ADGRG7: variants seen among roughly 807,000 people sequenced by gnomAD.
The protein encoded by ADGRG7 is adhesion G protein-coupled receptor G7.
Under a neutral mutation model 88.6 loss-of-function variants are expected in ADGRG7, and 82 were observed. That is an observed-to-expected ratio of 0.93 (90% CI 0.77 to 1.11). ADGRG7 has a LOEUF of 1.11. Ranked by LOEUF, ADGRG7 falls within the 50% of genes most tolerant of loss-of-function variation. ADGRG7 has a pLI of 0.00. For synonymous variants in ADGRG7, 381 were observed against 345.2 expected, an observed-to-expected ratio of 1.10 and a Z score of -1.15; for missense variants, 945 against 953.4, an observed-to-expected ratio of 0.99 and a Z score of 0.12.
intron 1 of ADGRG7, among the ~76,000 whole-genome samples, chr3:100,611,666 G>A (rs990339466): frequency 2.6e-5 from 4 of 152,204 alleles, no homozygotes; most frequent in Admixed American, 1.3e-4. Flanking sequence ...GTTCTGAGAA[G>A]CATATTTCAA....
intron 1 of ADGRG7, among the ~76,000 whole-genome samples, chr3:100,614,656 G>T (rs1215846394): frequency 2.0e-5 from 3 of 152,104 alleles, no homozygotes; most frequent in Non-Finnish European, 4.4e-5. Flanking sequence ...GACTAAGCTA[G>T]GCACTAGAAA....
chr3:100,618,648 C>T (rs968246495), intron 1 of ADGRG7, among the ~76,000 whole-genome samples: 5 of 152,014 alleles, frequency 3.3e-5, no homozygotes, highest in East Asian at 1.9e-4. Flanking sequence ...AGTCAGGTAG[C>T]GTGATGCCTC....
chr3:100,649,743 A>G lies in ADGRG7; in HGVS notation c.1315A>G (p.Asn439Asp). ...TCCCAAATCACTTGACATATTATCC[A>G]ACGTTGGATGTGCACTGTCTGTTAC... Reference protein sequence around the residue: ...QYPKSLDILSNVGCALSVTGL... With the variant: ...QYPKSLDILSDVGCALSVTGL... Residue 439 changes from asparagine (N) to aspartate (D), a missense_variant, in exon 11 of 16, where the codon AAC (asparagine) becomes GAC (aspartate). Physicochemically the swap from Asn to Asp is conservative, Grantham distance 23 (BLOSUM62 1). Transcript: ENST00000273352. 6.2e-7 allele frequency: 1 copy of G among 1,611,662 alleles called. No individual in the cohort carries two copies. The highest frequency in any genetic ancestry group is 8.5e-7 in the Non-Finnish European group (1 of 1,178,238).
chr3:100,655,868 CATTA>C (rs2094936855), intron 12 of ADGRG7, 27 bp from the exon 13 acceptor site: 1 of 1,207,520 alleles, frequency 8.3e-7, no homozygotes, highest in Non-Finnish European at 1.2e-6. Flanking sequence ...CTGGATAAAT[CATTA>C]ATTATGTGCC....
At chr3:100,624,811 G>A (rs1274618333) in intron 1 of ADGRG7, among the ~76,000 whole-genome samples, 2 of 152,122 alleles carry the variant, frequency 1.3e-5, no homozygotes, top group African/African-American at 2.4e-5. Flanking sequence ...CCTATTGCTT[G>A]TTTTTGTCCA....
chr3:100,628,055 G>A (rs1463481421), intron 1 of ADGRG7, among the ~76,000 whole-genome samples: 2 of 151,900 alleles, frequency 1.3e-5, no homozygotes, highest in Non-Finnish European at 2.9e-5. Context: ...TTTATTCTGG[G>A]ATATCTACCT....
intron 1 of ADGRG7, among the ~76,000 whole-genome samples, chr3:100,616,542 G>A (rs1402094789): frequency 6.6e-6 from 1 of 152,198 alleles, no homozygotes; most frequent in Non-Finnish European, 1.5e-5. Context: ...GCTGAGCATG[G>A]TGATTCATGC....
intron 5 of ADGRG7, 93 bp from the exon 6 acceptor site, chr3:100,637,209 C>G: frequency 1.2e-6 from 1 of 832,702 alleles, no homozygotes; most frequent in Non-Finnish European, 2.0e-6. Context: ...ATCAGTGATG[C>G]CACTTGCTAC....
intron 1 of ADGRG7, among the ~76,000 whole-genome samples, chr3:100,611,813 A>C (rs1215593792): frequency 1.3e-5 from 2 of 152,170 alleles, no homozygotes; most frequent in African/African-American, 4.8e-5. Flanking sequence ...TGTACATTTT[A>C]TTGAGAGTGC....
rs1187481511 is a variant in ADGRG7, at chr3:100,681,305, C to CT, written c.2136+12214dup. Among the ~76,000 whole-genome samples the CT allele has an allele frequency of 7.2e-3, 970 of 133,950 alleles. 8 individuals are homozygous for CT. The highest frequency in any genetic ancestry group is 0.025 in the East Asian group (117 of 4,678). 87.9% of individuals were successfully genotyped at this position (133,950 alleles called of 152,430 possible). On this transcript the variant is annotated intron_variant, in intron 15 of 15. Coordinates refer to ENST00000273352, the MANE Select transcript of ADGRG7 (RefSeq NM_032787.3). ...GTTATTGAAAGACATCTTTTCTTTTCTTTTTTTTTTTTTTCTTTTTTTTGA... is the reference window on the plus strand; with the variant it reads ...GTTATTGAAAGACATCTTTTCTTTTCTTTTTTTTTTTTTTTCTTTTTTTTGA...
At chr3:100,660,912 A>G (rs1240374379) in intron 14 of ADGRG7, among the ~76,000 whole-genome samples, 1 of 151,124 alleles carries the variant, frequency 6.6e-6, no homozygotes, top group Admixed American at 6.6e-5. Flanking sequence ...AGATTGCACC[A>G]TTGCACTCCA....
chr3:100,675,764 A>G lies in ADGRG7; in HGVS notation c.2136+6659A>G, dbSNP rs568938382. ...GCTTTTCTTTGCTAGGAAACTTTTT[A>G]TTACAGCTTCTGTCTCATTACTTGT... On this transcript the variant is annotated intron_variant, in intron 15 of 15. Coordinates refer to ENST00000273352, the MANE Select transcript of ADGRG7 (RefSeq NM_032787.3). 3.3e-5 allele frequency among the ~76,000 whole-genome samples: 5 copies of G among 152,230 alleles called. No individual in the cohort carries two copies. The South Asian group carries it at 1.0e-3, about 32-fold the overall frequency.
intron 14 of ADGRG7, among the ~76,000 whole-genome samples, chr3:100,666,713 C>T (rs953288148): frequency 3.9e-5 from 6 of 152,130 alleles, no homozygotes; most frequent in Non-Finnish European, 8.8e-5. Context: ...GGGGGACGGT[C>T]AGGTCTTTCC....
Position 100,695,096 on chromosome 3 carries a change from C to T in ADGRG7, c.*95C>T, listed in dbSNP as rs1242793045. Reference sequence around the variant, plus strand: ...TTCCCAGTCCTCTCAGAAAGTCTTCCTCAATGTATTTTGCTCAGGATTAAG... The same window carrying T: ...TTCCCAGTCCTCTCAGAAAGTCTTCTTCAATGTATTTTGCTCAGGATTAAG... On this transcript the variant is annotated 3_prime_UTR_variant, in exon 16 of 16. Coordinates refer to ENST00000273352, the MANE Select transcript of ADGRG7 (RefSeq NM_032787.3). 1.1e-5 allele frequency: 15 copies of T among 1,306,734 alleles called. No homozygotes were observed. The highest frequency in any genetic ancestry group is 1.9e-4 in the Middle Eastern group (1 of 5,234). 80.9% of individuals were successfully genotyped at this position (1,306,734 alleles called of 1,614,324 possible). A position where few individuals can be genotyped will look rare whatever the true frequency, so the allele number is the denominator to read the frequency against.
At chr3:100,613,922 C>G (rs1446597146) in intron 1 of ADGRG7, among the ~76,000 whole-genome samples, 5 of 152,162 alleles carry the variant, frequency 3.3e-5, no homozygotes, top group Admixed American at 2.6e-4. Context: ...AATAATGCCC[C>G]TCACTAGCTT....
chr3:100,660,444 A>G (rs1168623084), intron 14 of ADGRG7, among the ~76,000 whole-genome samples: 1 of 152,102 alleles, frequency 6.6e-6, no homozygotes, highest in African/African-American at 2.4e-5. Context: ...AGCTAGGACT[A>G]CAGGCACACA....
chr3:100,685,745 G>A (rs1395377723), intron 15 of ADGRG7, among the ~76,000 whole-genome samples: 1 of 152,086 alleles, frequency 6.6e-6, no homozygotes, highest in African/African-American at 2.4e-5. Context: ...TGGTGTATAT[G>A]TGCCACATTT....
intron 4 of ADGRG7, among the ~76,000 whole-genome samples, chr3:100,634,582 C>T (rs1216069088): frequency 6.6e-6 from 1 of 152,108 alleles, no homozygotes; most frequent in Non-Finnish European, 1.5e-5. Context: ...TACCCTGGCT[C>T]CCTAATCACA....
chr3:100,677,361 C>T (rs1314753565), intron 15 of ADGRG7, among the ~76,000 whole-genome samples: 1 of 152,026 alleles, frequency 6.6e-6, no homozygotes, highest in Non-Finnish European at 1.5e-5. Context: ...CTAATAAAAA[C>T]TCTATAACTT....
Sources: allele counts gnomAD v4.1 joint callset (sites outside exome capture counted in the v4.1 genomes callset), GRCh38; gene constraint gnomAD v4.1.1; transcripts MANE v1.5; gene names NCBI Gene and HGNC (gene_info 2026-07-23, HGNC 2026-07-21).